The following PLEKHG4 variants were observed in gnomAD, a reference collection of about 807,000 sequenced individuals.
PLEKHG4 encodes puratrophin-1.
In PLEKHG4, 85 loss-of-function variants were observed where a neutral mutation model predicts 136.9. The ratio of observed to expected loss-of-function variants is 0.62; its 90% confidence interval spans 0.52 to 0.74. PLEKHG4 has a LOEUF of 0.74. Among genes scored for constraint, PLEKHG4 ranks in the 30% least tolerant of loss-of-function variants. PLEKHG4 has a pLI of 0.00. For missense variants in PLEKHG4, 1,317 were observed against 1,527.8 expected, an observed-to-expected ratio of 0.86 and a Z score of 2.30; for synonymous variants, 577 against 646.9, an observed-to-expected ratio of 0.89 and a Z score of 1.64.
chr16:67,285,096 C>T lies in PLEKHG4; in HGVS notation c.2076C>T (p.His692=), dbSNP rs1427590901. 6.2e-7 allele frequency: 1 copy of T among 1,613,472 alleles called. No homozygotes were observed. The highest frequency in any genetic ancestry group is 1.7e-5 in the Admixed American group (1 of 60,036). Reference sequence around the variant, plus strand: ...AGAGTCTCAGTGAACCTGCCTGCCACTGCCACCATGCGGCCACTATTGCTG... The same window carrying T: ...AGAGTCTCAGTGAACCTGCCTGCCATTGCCACCATGCGGCCACTATTGCTG... The part of the protein sequence containing the change: ...LGQSLSEPAC[H]CHHAATIAAC... Residue 692 remains histidine (H), a synonymous_variant, in exon 13 of 22, where the codon CAC becomes CAT. Coordinates refer to ENST00000379344, the MANE Select transcript of PLEKHG4 (RefSeq NM_001129729.3).
rs2036628915 is a variant in PLEKHG4 at position 67,289,159 on chromosome 16, C to T, written c.*351C>T. On this transcript the variant is annotated 3_prime_UTR_variant, in exon 22 of 22. Coordinates refer to ENST00000379344, the MANE Select transcript of PLEKHG4 (RefSeq NM_001129729.3). ...TGCCTCTAGGCAGTGACTAGGGTGC[C>T]CCCACCCCTCAGGAAGAACACAGGT... The T allele has an allele frequency of 8.5e-6, 4 of 470,424 alleles. No homozygotes were observed. The highest frequency in any genetic ancestry group is 2.0e-5 in the African/African-American group (1 of 51,022). The allele number at this position is 470,424 out of a possible 1,614,324, so 29.1% of individuals were successfully genotyped here. A position where few individuals can be genotyped will look rare whatever the true frequency, so the allele number is the denominator to read the frequency against.
In PLEKHG4 at chr16:67,285,165, A is replaced by G. The variant is rs139116976; in HGVS notation, c.2145A>G (p.Ala715=). The G allele has an allele frequency of 3.7e-5, 60 of 1,613,386 alleles. No homozygotes were observed. Among genetic ancestry groups the G allele is most frequent in the Non-Finnish European group, 4.9e-5 (58 of 1,179,992 alleles). The change falls in exon 13 of 22, where the codon GCA becomes GCG. Residue 715 remains alanine, a synonymous_variant. Coordinates refer to ENST00000379344, the MANE Select transcript of PLEKHG4 (RefSeq NM_001129729.3). ...PEAGGGALPQ[A]SPTVPPPGSS... ...CTGGAGGAGGTGCCCTGCCCCAGGC[A>G]TCCCCTACTGTGCCTCCACCAGGCA...
chr16:67,283,595 G>T (rs528441925), intron 11 of PLEKHG4, among the ~76,000 whole-genome samples: 5 of 152,136 alleles, frequency 3.3e-5, no homozygotes, highest in Non-Finnish European at 7.4e-5. Context: ...GGGAGGGTAA[G>T]GGACAAGGAT....
upstream of PLEKHG4, chr16:67,279,433 G>A (rs1467383734): frequency 2.6e-5 from 4 of 151,862 alleles, 1 homozygote; most frequent in Admixed American, 2.6e-4. Flanking sequence ...ACCTGCTCGG[G>A]CTGTGGCTCC....
chr16:67,288,122 G>C, intron 19 of PLEKHG4, 45 bp from the exon 20 acceptor site: 1 of 1,584,118 alleles, frequency 6.3e-7, no homozygotes, highest in Admixed American at 1.7e-5. Flanking sequence ...TCTGGGGCCA[G>C]GCTAGGCTCT....
intron 18 of PLEKHG4, chr16:67,287,502 C>T: frequency 2.0e-6 from 1 of 501,082 alleles, no homozygotes; most frequent in Admixed American, 3.2e-5. Context: ...TGAGCTCAAG[C>T]ATTCTTCCCA....
rs2036201190 is a variant in PLEKHG4, at chr16:67,281,157, C to T, written c.786C>T (p.Ser262=). The change falls in exon 5 of 22, where the codon TCC becomes TCT. Residue 262 remains serine (S), a synonymous_variant. Transcript: ENST00000379344. ...CCCGAATTTGTGCTCCAAGTTCTTC[C>T]CTCTTCTCTGGGCTCAGCCAACTAC... The part of the protein sequence containing the change: ...VDARICAPSS[S]LFSGLSQLQE... 1 of 1,613,798 alleles carries T rather than the reference C, an allele frequency of 6.2e-7. No individual in the cohort carries two copies. Among genetic ancestry groups the T allele is most frequent in the Admixed American group, 1.7e-5 (1 of 59,988 alleles).
chr16:67,285,055 G>C lies in PLEKHG4; in HGVS notation c.2035G>C (p.Asp679His), dbSNP rs149280885. The C allele has an allele frequency of 6.2e-7, 1 of 1,613,536 alleles. No individual in the cohort carries two copies. The highest frequency in any genetic ancestry group is 8.5e-7 in the Non-Finnish European group (1 of 1,180,016). The part of the protein sequence containing the change: ...HPPLRKAYSF[D>H]RNLGQSLSEP... The stretch of plus-strand genomic sequence containing the variant: ...TCCCCTGAGGAAGGCCTACAGCTTC[G>C]ATCGGAATCTGGGGCAGAGTCTCAG... The change falls in exon 13 of 22, where the codon GAT becomes CAT. Residue 679 changes from aspartate (D) to histidine (H), a missense_variant. Transcript: ENST00000379344.
rs922762817 is a variant in PLEKHG4 at position 67,285,527 on chromosome 16, C to T, written c.2433C>T (p.Phe811=). Residue 811 remains phenylalanine (F), a synonymous_variant, in exon 14 of 22, where the codon TTC becomes TTT. Coordinates refer to ENST00000379344, the MANE Select transcript of PLEKHG4 (RefSeq NM_001129729.3). ...ACCCACCACGAGTGGCCTATGCCTT[C>T]CTGCGCCATGTAAGCCCGACAGGCC... The part of the protein sequence containing the change: ...TRHPPRVAYA[F]LRHRVQFGMY... The T allele has an allele frequency of 7.5e-6, 12 of 1,608,456 alleles. No homozygotes were observed. Among genetic ancestry groups the T allele is most frequent in the Non-Finnish European group, 7.6e-6 (9 of 1,180,014 alleles).
In PLEKHG4 at chr16:67,288,439, T is replaced by C; in HGVS notation, c.3454+39T>C. On this transcript the variant is annotated intron_variant, in intron 20 of 21. Coordinates refer to ENST00000379344, the MANE Select transcript of PLEKHG4 (RefSeq NM_001129729.3). ...TAGCCAGAGGCAGGAGGGCATGGCTTGGGGTCTGGGGCTTCCCGTGCTGAC... is the reference window on the plus strand; with the variant it reads ...TAGCCAGAGGCAGGAGGGCATGGCTCGGGGTCTGGGGCTTCCCGTGCTGAC... 3 of 1,613,482 alleles carry C rather than the reference T, an allele frequency of 1.9e-6. No individual in the cohort carries two copies. In the South Asian group the frequency reaches 3.3e-5, roughly 18 times the overall value.
upstream of PLEKHG4, chr16:67,278,803 G>A (rs2036077481): frequency 6.6e-6 from 1 of 152,204 alleles, no homozygotes; most frequent in Non-Finnish European, 1.5e-5. Context: ...AAGTGGAGAA[G>A]CCAGGCCTGG....
At position 67,285,422 on chromosome 16, in the gene PLEKHG4, C is replaced by T; in HGVS notation, c.2328C>T (p.Ala776=). ...CCCAGGGCCTCCGCGGTCAGCGTGC[C>T]CACCTCTTTGGCAACCTGGAGAAGC... The part of the protein sequence containing the change: ...DVPQGLRGQR[A]HLFGNLEKLR... Residue 776 remains alanine (A), a synonymous_variant, in exon 14 of 22, where the codon GCC becomes GCT. Transcript: ENST00000379344. 1.9e-6 allele frequency: 3 copies of T among 1,614,230 alleles called. No homozygotes were observed. The highest frequency in any genetic ancestry group is 2.5e-6 in the Non-Finnish European group (3 of 1,180,048).
Position 67,287,928 on chromosome 16 carries a change from G to A in PLEKHG4, c.3134G>A (p.Gly1045Asp). 6.2e-7 allele frequency: 1 copy of A among 1,613,852 alleles called. No individual in the cohort carries two copies. The highest frequency in any genetic ancestry group is 8.5e-7 in the Non-Finnish European group (1 of 1,179,698). The change falls in exon 19 of 22, where the codon GGT becomes GAT. Residue 1045 changes from glycine (G) to aspartate (D), a missense_variant. Coordinates refer to ENST00000379344, the MANE Select transcript of PLEKHG4 (RefSeq NM_001129729.3). ...EVRMAEMVSM[G>D]VGNKAFRDIA... ...CGCATGGCTGAGATGGTGTCCATGG[G>A]TGTGGGGAACAAGGCCTTCCGAGAC...
At position 67,283,043 on chromosome 16, in the gene PLEKHG4, G is replaced by T. The variant is rs952223588; in HGVS notation, c.1509+185G>T. On this transcript the variant is annotated intron_variant, in intron 11 of 21. Coordinates refer to ENST00000379344, the MANE Select transcript of PLEKHG4 (RefSeq NM_001129729.3). ...TAAACCCAGGCAAGATCTCTGGAGA[G>T]AATCAGTGCAGGTGATTCTGCCTGA... Among the ~76,000 whole-genome samples the T allele has an allele frequency of 8.5e-5, 13 of 152,140 alleles. 1 individual carries two copies. Among genetic ancestry groups the T allele is most frequent in the African/African-American group, 2.9e-4 (12 of 41,418 alleles).
rs145404113 is a variant in PLEKHG4 at position 67,287,984 on chromosome 16, C to T, written c.3190C>T (p.Arg1064Cys). The T allele has an allele frequency of 4.2e-4, 670 of 1,613,502 alleles. 1 individual carries two copies. Among genetic ancestry groups the T allele is most frequent in the Middle Eastern group, 4.1e-3 (25 of 6,060 alleles). Residue 1064 changes from arginine to cysteine, a missense_variant, in exon 19 of 22, where the codon CGC becomes TGC. Transcript: ENST00000379344. ...IAPSEEAIND[R>C]TVNYVLKCRE... ...TCCCAGCGAGGAAGCCATCAACGACCGCACCGTCAACTATGTCCTGAAGTG... is the reference window on the plus strand; with the variant it reads ...TCCCAGCGAGGAAGCCATCAACGACTGCACCGTCAACTATGTCCTGAAGTG...
chr16:67,282,660 G>T lies in PLEKHG4; in HGVS notation c.1392+19G>T, dbSNP rs754340369. On this transcript the variant is annotated intron_variant, in intron 10 of 21. Transcript: ENST00000379344. Reference sequence around the variant, plus strand: ...GCACCAGGTCGGAACTACTTGCCCAGAGTGGGCCCTGCCCCGATCTCAGAC... The same window carrying T: ...GCACCAGGTCGGAACTACTTGCCCATAGTGGGCCCTGCCCCGATCTCAGAC... 3.0e-5 allele frequency: 48 copies of T among 1,613,638 alleles called. No homozygotes were observed. The highest frequency in any genetic ancestry group is 3.6e-5 in the Non-Finnish European group (43 of 1,180,038).
rs184805607 is a variant in PLEKHG4 at position 67,284,768 on chromosome 16, G to C, written c.1748G>C (p.Arg583Pro). ...GTGTTGGCAGAGCTGGAGCAGGAAC[G>C]CCCGGGGGTTGTGTTGCAGCAGCTG... ...QRVLAELEQERPGVVLQQLQL... is the reference protein window; with the variant it reads ...QRVLAELEQEPPGVVLQQLQL... Residue 583 changes from arginine (R) to proline (P), a missense_variant, in exon 13 of 22, where the codon CGC (arginine) becomes CCC (proline). Coordinates refer to ENST00000379344, the MANE Select transcript of PLEKHG4 (RefSeq NM_001129729.3). The surrounding 1 kb of genome is among the most constrained non-coding windows in gnomAD (Gnocchi z 4.4). 1 of 1,613,690 alleles carries C rather than the reference G, an allele frequency of 6.2e-7. No individual in the cohort carries two copies. The highest frequency in any genetic ancestry group is 1.3e-5 in the African/African-American group (1 of 74,922).
In PLEKHG4 at chr16:67,282,588, C is replaced by A. The variant is rs551574405; in HGVS notation, c.1339C>A (p.Gln447Lys). Residue 447 changes from glutamine to lysine, a missense_variant, in exon 10 of 22, where the codon CAG (glutamine) becomes AAG (lysine). Coordinates refer to ENST00000379344, the MANE Select transcript of PLEKHG4 (RefSeq NM_001129729.3). ...QLTLQSNQRI[Q>K]ALELVQTLEA... is the part of the protein sequence containing the mutation. ...GACCCTGCAGAGCAACCAGCGAATA[C>A]AGGCCCTAGAGTTGGTCCAAACACT... 3.7e-6 allele frequency: 6 copies of A among 1,614,094 alleles called. No homozygotes were observed. In the South Asian group the frequency reaches 6.6e-5, roughly 18 times the overall value.
rs769778067 is a variant in PLEKHG4 at position 67,285,122 on chromosome 16, C to T, written c.2102C>T (p.Ala701Val). 3.1e-6 allele frequency: 5 copies of T among 1,613,344 alleles called. No homozygotes were observed. The highest frequency in any genetic ancestry group is 4.2e-6 in the Non-Finnish European group (5 of 1,180,004). Residue 701 changes from alanine (A) to valine (V), a missense_variant, in exon 13 of 22, where the codon GCC becomes GTC. Coordinates refer to ENST00000379344, the MANE Select transcript of PLEKHG4 (RefSeq NM_001129729.3). ...CHCHHAATIAACRRPEAGGGA... is the reference protein window; with the variant it reads ...CHCHHAATIAVCRRPEAGGGA... The stretch of plus-strand genomic sequence containing the variant: ...TGCCACCATGCGGCCACTATTGCTG[C>T]CTGCCGCAGACCAGAGGCTGGAGGA...
Sources: gnomAD v4.1 joint callset for allele counts (sites outside exome capture counted in the v4.1 genomes callset) on GRCh38, gnomAD v4.1.1 for gene constraint, Gnocchi (gnomAD v3.1) non-coding constraint, MANE v1.5 for transcripts, NCBI Gene and HGNC (gene_info 2026-07-23, HGNC 2026-07-21) for gene names.